UBR1: variants seen among roughly 807,000 people sequenced by gnomAD.
UBR1 encodes ubiquitin protein ligase E3 component n-recognin 1, also known as E3 ubiquitin-protein ligase UBR1.
In UBR1, 102 loss-of-function variants were observed where a neutral mutation model predicts 242.1. That is an observed-to-expected ratio of 0.42 (90% CI 0.36 to 0.50). The LOEUF (loss-of-function observed/expected upper bound fraction) is 0.50, where lower values mean the gene tolerates loss of function less well. UBR1 is among the 20% of genes least tolerant of loss of function. UBR1 has a pLI of 0.01. For synonymous variants in UBR1, 675 were observed against 684.8 expected (o/e 0.99, Z 0.22); for missense variants, 1,772 against 2,101.8 (o/e 0.84, Z 3.07).
chr15:43,068,269 A>G (rs1436191145), intron 5 of UBR1, among the ~76,000 whole-genome samples: 3 of 149,444 alleles, frequency 2.0e-5, no homozygotes, highest in Non-Finnish European at 4.4e-5. Context: ...ACTCACTGCA[A>G]CCACTCCCTT....
chr15:43,065,818 G>A (rs2033745836), intron 6 of UBR1, among the ~76,000 whole-genome samples: 1 of 152,066 alleles, frequency 6.6e-6, no homozygotes, highest in African/African-American at 2.4e-5. Flanking sequence ...TGGTGAGGTT[G>A]TTGGTTTTTT....
In UBR1 at chr15:42,945,354, A is replaced by G; in HGVS notation, c.5225T>C (p.Phe1742Ser). 6.2e-7 allele frequency: 1 copy of G among 1,614,186 alleles called. No individual in the cohort carries two copies. Among genetic ancestry groups the G allele is most frequent in the Non-Finnish European group, 8.5e-7 (1 of 1,180,026 alleles). ...TCACAGTAACTGCCAGTTGAATCCA[A>G]ATAACATCTGATTAGTCTCTTGGCT... ...ARSQETNQML[F>S]GFNWQLL Residue 1742 changes from phenylalanine (F) to serine (S), a missense_variant, in exon 47 of 47, where the codon TTT becomes TCT. Physicochemically the swap from Phe to Ser is radical, Grantham distance 155. This residue lies in a region of UBR1 where 965 missense variants were observed against 1,079.7 expected (regional missense o/e 0.89). Transcript: ENST00000290650.
intron 40 of UBR1, 25 bp downstream of exon 40, chr15:42,970,495 A>G (rs1388155442): frequency 6.3e-7 from 1 of 1,597,568 alleles, no homozygotes. Context: ...ATTACAATAG[A>G]CTGAACTAAT....
intron 21 of UBR1, among the ~76,000 whole-genome samples, chr15:43,028,034 A>G (rs1311442778): frequency 6.6e-6 from 1 of 152,172 alleles, no homozygotes; most frequent in Non-Finnish European, 1.5e-5. Context: ...GTATATATAA[A>G]CTGTTTAAGA....
At chr15:42,964,240 C>T (rs1422552410) in intron 41 of UBR1, among the ~76,000 whole-genome samples, 197 bp from the exon 42 acceptor site, 4 of 152,016 alleles carry the variant, frequency 2.6e-5, no homozygotes, top group African/African-American at 4.8e-5. Flanking sequence ...GAGGCCGAGG[C>T]GGGCGGATCA....
chr15:42,974,739 G>C (rs1030753459), intron 39 of UBR1, among the ~76,000 whole-genome samples: 4 of 152,130 alleles, frequency 2.6e-5, no homozygotes, highest in Admixed American at 6.6e-5. Flanking sequence ...CTCCCAAACG[G>C]CTGGGACTAT....
chr15:43,002,974 G>A (rs1050519958), intron 31 of UBR1, among the ~76,000 whole-genome samples: 2 of 152,176 alleles, frequency 1.3e-5, no homozygotes, highest in African/African-American at 4.8e-5. Flanking sequence ...CAACAGCATG[G>A]TGATACAGCA....
chr15:43,027,891 T>C, intron 21 of UBR1, 63 bp from the exon 22 acceptor site: 1 of 1,282,588 alleles, frequency 7.8e-7, no homozygotes, highest in Non-Finnish European at 1.1e-6. Flanking sequence ...CTCTGTGAAG[T>C]GAAATACATT....
In UBR1 at chr15:43,105,006, C is replaced by A. The variant is rs545612612; in HGVS notation, c.81+936G>T. Among the ~76,000 whole-genome samples, 29 of 152,106 alleles carry A rather than the reference C, an allele frequency of 1.9e-4. 1 individual carries two copies. In the South Asian group the frequency reaches 3.3e-3, roughly 17 times the overall value. ...TTACACCACTGCACTTCAGCCTGGG[C>A]AACAAGAGCAAAACTCTGCCTCAAA... is the stretch of plus-strand genomic sequence containing the variant. On this transcript the variant is annotated intron_variant, in intron 1 of 46. Coordinates refer to ENST00000290650, the MANE Select transcript of UBR1 (RefSeq NM_174916.3).
intron 22 of UBR1, among the ~76,000 whole-genome samples, chr15:43,026,963 A>T (rs2033186306): frequency 6.6e-6 from 1 of 152,120 alleles, no homozygotes; most frequent in Admixed American, 6.5e-5. Context: ...GAGATTTAAG[A>T]GTCTCTGATG....
intron 41 of UBR1, 32 bp downstream of exon 41, chr15:42,966,121 T>A (rs756568467): frequency 7.4e-6 from 12 of 1,614,020 alleles, no homozygotes; most frequent in Non-Finnish European, 8.5e-6. Context: ...AATCTCCCAT[T>A]TTCCACTCCA....
chr15:42,981,663 G>C (rs541495190), intron 37 of UBR1, among the ~76,000 whole-genome samples: 3 of 152,002 alleles, frequency 2.0e-5, no homozygotes, highest in African/African-American at 7.2e-5. Flanking sequence ...CTAATTTTTT[G>C]TATTTTTTAG....
chr15:42,970,310 C>T (rs1040372918), intron 40 of UBR1, among the ~76,000 whole-genome samples: 1 of 152,150 alleles, frequency 6.6e-6, no homozygotes, highest in Non-Finnish European at 1.5e-5. Context: ...ACTGAAACTA[C>T]ACCCCTTCCT....
chr15:43,000,496 C>A (rs938021148), intron 32 of UBR1, among the ~76,000 whole-genome samples: 1 of 152,170 alleles, frequency 6.6e-6, no homozygotes, highest in Non-Finnish European at 1.5e-5. Flanking sequence ...TGGAAAGTCA[C>A]TTTATTATGA....
Position 43,037,870 on chromosome 15 carries a change from A to G in UBR1, c.1925T>C (p.Val642Ala), listed in dbSNP as rs530442432. ...TAAAGGATATTCCACTAGTACCTCT[A>G]CTTGAAAGTCCTCCTGAAATAGAGT... Reference protein sequence around the residue: ...HEFVSFEDFQVEVLVEYPLRC... With the variant: ...HEFVSFEDFQAEVLVEYPLRC... The change falls in exon 17 of 47, where the codon GTA becomes GCA. Residue 642 changes from valine (V) to alanine (A), a missense_variant. Around this residue, in one of 3 missense-constraint regions of UBR1, gnomAD observed 734 missense variants for 893.3 expected, o/e 0.82. Transcript: ENST00000290650. 5 of 1,613,874 alleles carry G rather than the reference A, an allele frequency of 3.1e-6. No homozygotes were observed. In the Admixed American group the frequency reaches 5.0e-5, roughly 16 times the overall value.
intron 1 of UBR1, among the ~76,000 whole-genome samples, chr15:43,086,825 G>A (rs1182815406): frequency 6.6e-6 from 1 of 152,150 alleles, no homozygotes; most frequent in Non-Finnish European, 1.5e-5. Flanking sequence ...ACCTAGTACA[G>A]TGGCTAAAAT....
intron 3 of UBR1, among the ~76,000 whole-genome samples, chr15:43,079,532 C>T (rs1200779287): frequency 6.6e-6 from 1 of 151,906 alleles, no homozygotes; most frequent in Non-Finnish European, 1.5e-5. Context: ...GTAATTCCAG[C>T]ACTTTGGGAG....
intron 1 of UBR1, among the ~76,000 whole-genome samples, chr15:43,099,129 G>A (rs1483717749): frequency 6.6e-6 from 1 of 152,120 alleles, no homozygotes; most frequent in Non-Finnish European, 1.5e-5. Flanking sequence ...CTGAGGTCAG[G>A]AGTTTGAGAC....
At chr15:43,034,902 A>AG (rs1308498950) in intron 19 of UBR1, among the ~76,000 whole-genome samples, 3 of 150,010 alleles carry the variant, frequency 2.0e-5, no homozygotes, top group African/African-American at 7.4e-5. Context: ...AAAAAAAAAA[A>AG]AAAGAAAGAA....
Sources: allele counts gnomAD v4.1 joint callset (sites outside exome capture counted in the v4.1 genomes callset), GRCh38; gene constraint gnomAD v4.1.1; regional missense constraint gnomAD v4.1.1; transcripts MANE v1.5; gene names NCBI Gene and HGNC (gene_info 2026-07-23, HGNC 2026-07-21).